Variants in SGCZ observed in about 807,000 individuals in gnomAD.
SGCZ encodes zeta-sarcoglycan.
Under a neutral mutation model 41.3 loss-of-function variants are expected in SGCZ, and 40 were observed. The ratio of observed to expected loss-of-function variants is 0.97; its 90% CI spans 0.75 to 1.26. The LOEUF is 1.26. SGCZ is among the 50% of genes most tolerant of loss of function. SGCZ has a pLI of 0.00. For missense variants in SGCZ, 552 were observed against 369.8 expected (o/e 1.49, Z -4.04); for synonymous variants, 206 against 137.5 (o/e 1.50, Z -3.49).
chr8:14,709,553 G>A (rs138161019), intron 1 of SGCZ, among the ~76,000 whole-genome samples: 11 of 152,096 alleles, frequency 7.2e-5, no homozygotes, highest in African/African-American at 2.7e-4. Flanking sequence ...TTGCTAATTC[G>A]CTTGTTACGG....
At chr8:15,134,954 T>C (rs967832382) in intron 1 of SGCZ, among the ~76,000 whole-genome samples, 7 of 151,598 alleles carry the variant, frequency 4.6e-5, no homozygotes, top group African/African-American at 1.7e-4. Flanking sequence ...AGCAATGTTG[T>C]TTCAAAATGT....
chr8:14,211,929 A>G (rs73664177), intron 4 of SGCZ, among the ~76,000 whole-genome samples: 2,528 of 152,264 alleles, frequency 0.017, 75 homozygotes, highest in African/African-American at 0.057. Context: ...AATGAGCCAC[A>G]GCTGTGCCAT....
At chr8:14,818,556 T>G (rs917946011) in intron 1 of SGCZ, among the ~76,000 whole-genome samples, 2 of 151,686 alleles carry the variant, frequency 1.3e-5, no homozygotes, top group Admixed American at 1.3e-4. Flanking sequence ...TTCAAAGGAG[T>G]ACAATAAGTC....
At chr8:14,289,940 TTCA>T (rs983397188) in intron 3 of SGCZ, among the ~76,000 whole-genome samples, 6 of 151,974 alleles carry the variant, frequency 3.9e-5, no homozygotes, top group African/African-American at 7.2e-5. Context: ...AGGCACCTTC[TTCA>T]TAAGGCAGGA....
intron 1 of SGCZ, among the ~76,000 whole-genome samples, chr8:15,084,479 G>A (rs548890373): frequency 1.6e-4 from 24 of 152,176 alleles, no homozygotes; most frequent in African/African-American, 5.3e-4. Flanking sequence ...AGCCAGGCAC[G>A]GTGGCTCACG....
chr8:14,316,360 A>T (rs1458821483), intron 3 of SGCZ, among the ~76,000 whole-genome samples: 1 of 152,034 alleles, frequency 6.6e-6, no homozygotes, highest in Non-Finnish European at 1.5e-5. Flanking sequence ...TAATAAAAGA[A>T]TACATCACCA....
At chr8:14,658,996 A>G (rs1440479563) in intron 1 of SGCZ, among the ~76,000 whole-genome samples, 1 of 152,156 alleles carries the variant, frequency 6.6e-6, no homozygotes, top group Non-Finnish European at 1.5e-5. Context: ...TACTAACTTA[A>G]AGTTACTGTT....
At chr8:14,737,734 A>T (rs1222734893) in intron 1 of SGCZ, among the ~76,000 whole-genome samples, 2 of 152,046 alleles carry the variant, frequency 1.3e-5, no homozygotes, top group Admixed American at 6.6e-5. Context: ...TGAGGACATC[A>T]GGCATATTGG....
intron 4 of SGCZ, among the ~76,000 whole-genome samples, chr8:14,169,172 C>T (rs1160782285): frequency 3.9e-5 from 6 of 152,032 alleles, no homozygotes; most frequent in African/African-American, 4.8e-5. Flanking sequence ...CTTGACATTC[C>T]ACAAGATTAA....
At chr8:14,496,062 C>T (rs1156998922) in intron 2 of SGCZ, among the ~76,000 whole-genome samples, 3 of 151,942 alleles carry the variant, frequency 2.0e-5, no homozygotes, top group African/African-American at 7.2e-5. Flanking sequence ...TCTCCTAGTA[C>T]TTATTTATTT....
At chr8:14,861,784 G>A (rs1393392150) in intron 1 of SGCZ, among the ~76,000 whole-genome samples, 1 of 151,892 alleles carries the variant, frequency 6.6e-6, no homozygotes, top group Admixed American at 6.6e-5. Flanking sequence ...TCCCAACATC[G>A]AGATATTCCT....
At chr8:14,243,900 T>A (rs35443490) in intron 3 of SGCZ, among the ~76,000 whole-genome samples, 2 of 152,034 alleles carry the variant, frequency 1.3e-5, no homozygotes, top group Non-Finnish European at 2.9e-5. Flanking sequence ...TTCATGTGAT[T>A]TGTAACCTTC....
intron 1 of SGCZ, among the ~76,000 whole-genome samples, chr8:14,977,728 C>T (rs1241711735): frequency 2.0e-5 from 3 of 152,080 alleles, no homozygotes; most frequent in Non-Finnish European, 4.4e-5. Context: ...AACTCTCTCC[C>T]TACATATTTT....
intron 2 of SGCZ, among the ~76,000 whole-genome samples, chr8:14,527,433 C>T (rs1308129241): frequency 6.6e-6 from 1 of 152,136 alleles, no homozygotes; most frequent in Non-Finnish European, 1.5e-5. Context: ...TCATAAGTAG[C>T]TGGGACTACA....
chr8:14,114,003 C>T (rs1802449136), intron 5 of SGCZ, among the ~76,000 whole-genome samples: 1 of 152,004 alleles, frequency 6.6e-6, no homozygotes, highest in Non-Finnish European at 1.5e-5. Flanking sequence ...CCGCTTGCTT[C>T]TCCTTCTGCC....
At chr8:14,153,921 TCTCACACACACACACACAGACACACA>T (rs1249837865) in intron 5 of SGCZ, among the ~76,000 whole-genome samples, 1 of 117,100 alleles carries the variant, frequency 8.5e-6, no homozygotes, top group Non-Finnish European at 1.6e-5. Context: ...TCTCTCTCTC[TCTCACACACACACACACAGACACACA>T]CACACACACA....
intron 1 of SGCZ, among the ~76,000 whole-genome samples, chr8:15,171,798 T>G (rs1050913510): frequency 5.9e-5 from 9 of 152,194 alleles, no homozygotes; most frequent in African/African-American, 2.2e-4. Context: ...GTCTCACCTG[T>G]AGGGACACCT....
chr8:14,507,145 T>G (rs1585608207), intron 2 of SGCZ, among the ~76,000 whole-genome samples: 1 of 152,186 alleles, frequency 6.6e-6, no homozygotes, highest in Non-Finnish European at 1.5e-5. Context: ...GTATTCTTCT[T>G]TGGACTATTC....
chr8:14,418,502 A>T, intron 2 of SGCZ, among the ~76,000 whole-genome samples: 1 of 151,934 alleles, frequency 6.6e-6, no homozygotes, highest in African/African-American at 2.4e-5. Flanking sequence ...CTTTTATAGA[A>T]AGGAAATTAT....
Sources: gnomAD v4.1 joint callset for allele counts (sites outside exome capture counted in the v4.1 genomes callset) on GRCh38, gnomAD v4.1.1 for gene constraint, MANE v1.5 for transcripts, NCBI Gene and HGNC (gene_info 2026-07-23, HGNC 2026-07-21) for gene names.